The following CLIP1 variants were observed in gnomAD, a reference collection of about 807,000 sequenced individuals.
CLIP1 encodes the protein CAP-Gly domain containing linker protein 1.
Under a neutral mutation model 161.6 loss-of-function variants are expected in CLIP1, and 66 were observed. The observed-to-expected ratio is 0.41, with a 90% confidence interval of 0.33 to 0.50. The LOEUF (loss-of-function observed/expected upper bound fraction) is 0.50. Ranked by LOEUF, CLIP1 falls within the 20% of genes least tolerant of loss-of-function variation. CLIP1 has a pLI of 0.27. For synonymous variants in CLIP1, 598 were observed against 626.2 expected (o/e 0.96, Z 0.67); for missense variants, 1,376 against 1,702.0 (o/e 0.81, Z 3.37).
chr12:122,278,452 C>T (rs1955520188), intron 23 of CLIP1: 2 of 561,592 alleles, frequency 3.6e-6, no homozygotes, highest in South Asian at 4.9e-5. Context: ...GGTTAGAATG[C>T]CTGTCACGTC....
chr12:122,299,612 C>CAAAAAAAAGAAAAAAAAAAAA (rs1950601497), intron 20 of CLIP1, among the ~76,000 whole-genome samples: 1 of 62,500 alleles, frequency 1.6e-5, no homozygotes, highest in Non-Finnish European at 2.9e-5. Flanking sequence ...ATAAATTCAG[C>CAAAAAAAAGAAAAAAAAAAAA]AAAAAAAAAA....
At chr12:122,407,025 T>C (rs1446786372) in intron 1 of CLIP1, among the ~76,000 whole-genome samples, 3 of 152,184 alleles carry the variant, frequency 2.0e-5, no homozygotes, top group Non-Finnish European at 2.9e-5. Context: ...TCCTGTGACT[T>C]TGTAACTCTA....
chr12:122,328,307 T>C lies in CLIP1; in HGVS notation c.2987A>G (p.Lys996Arg), dbSNP rs750878371. 12 of 1,614,020 alleles carry C rather than the reference T, an allele frequency of 7.4e-6. No homozygotes were observed. The Admixed American group carries it at 2.0e-4, about 27-fold the overall frequency. Residue 996 changes from lysine to arginine, a missense_variant, in exon 16 of 26, where the codon AAG becomes AGG. Lys to Arg is a conservative substitution (Grantham distance 26). Coordinates refer to ENST00000620786, the MANE Select transcript of CLIP1 (RefSeq NM_001247997.2). Reference sequence around the variant, plus strand: ...CAATTCTTTCTTTTCTTCCTCATGCTTTTTAGCTGCTTCTTGCTGGCTCTG... The same window carrying C: ...CAATTCTTTCTTTTCTTCCTCATGCCTTTTAGCTGCTTCTTGCTGGCTCTG... ...AEQSQQEAAK[K>R]HEEEKKELER...
intron 1 of CLIP1, among the ~76,000 whole-genome samples, chr12:122,387,711 C>T (rs1354949207): frequency 6.7e-6 from 1 of 149,190 alleles, no homozygotes; most frequent in Admixed American, 6.7e-5. Flanking sequence ...GCCATCCTCC[C>T]GAGCAGCTGA....
At position 122,279,395 on chromosome 12, in the gene CLIP1, T is replaced by G. The variant is rs1426443288; in HGVS notation, c.3648-250A>C. 2 of 221,826 alleles carry G rather than the reference T, an allele frequency of 9.0e-6. No individual in the cohort carries two copies. Among genetic ancestry groups the G allele is most frequent in the Non-Finnish European group, 1.7e-5 (2 of 115,526 alleles). 13.7% of individuals were successfully genotyped at this position (221,826 alleles called of 1,614,324 possible). On this transcript the variant is annotated intron_variant, in intron 21 of 25. Transcript: ENST00000620786. The surrounding 1 kb of genome is among the most constrained non-coding windows in gnomAD (Gnocchi z 4.5). The stretch of plus-strand genomic sequence containing the variant: ...TGCATGTGATTGTATCCATTTGAAC[T>G]TAAAGAAACAAGTTAATAAATTTGG...
At chr12:122,375,403 C>G (rs1048414805) in intron 3 of CLIP1, among the ~76,000 whole-genome samples, 1 of 151,874 alleles carries the variant, frequency 6.6e-6, no homozygotes, top group African/African-American at 2.4e-5. Context: ...TGCAACCTCC[C>G]CATCCTGGGT....
chr12:122,345,977 G>A lies in CLIP1; in HGVS notation c.1506+1398C>T, dbSNP rs565095848. Among the ~76,000 whole-genome samples, 207 of 151,976 alleles carry A rather than the reference G, an allele frequency of 1.4e-3. 1 individual carries two copies. Among genetic ancestry groups the A allele is most frequent in the African/African-American group, 4.8e-3 (199 of 41,432 alleles). ...ATTTTAGTATTTTTAGTAGAGATGG[G>A]GTTTCTCCATGTTGGCCAGGCTGGT... On this transcript the variant is annotated intron_variant, in intron 10 of 25. Coordinates refer to ENST00000620786, the MANE Select transcript of CLIP1 (RefSeq NM_001247997.2).
chr12:122,373,673 T>C (rs1489749259), intron 3 of CLIP1, among the ~76,000 whole-genome samples: 1 of 152,138 alleles, frequency 6.6e-6, no homozygotes, highest in African/African-American at 2.4e-5. Flanking sequence ...AGGGGAAAAA[T>C]GGGTGCAATC....
chr12:122,332,733 C>A (rs964547537), intron 15 of CLIP1, among the ~76,000 whole-genome samples: 6 of 152,130 alleles, frequency 3.9e-5, no homozygotes, highest in African/African-American at 1.4e-4. Flanking sequence ...ATTATCTTTT[C>A]TTTACAAGTC....
chr12:122,354,433 A>G lies in CLIP1; in HGVS notation c.1307+20T>C, dbSNP rs1030862159. 1 of 1,599,174 alleles carries G rather than the reference A, an allele frequency of 6.3e-7. No individual in the cohort carries two copies. The highest frequency in any genetic ancestry group is 8.6e-7 in the Non-Finnish European group (1 of 1,167,200). On this transcript the variant is annotated intron_variant, in intron 7 of 25. Coordinates refer to ENST00000620786, the MANE Select transcript of CLIP1 (RefSeq NM_001247997.2). ...AAGGGGGAAAGGCCACACTTGCACC[A>G]GGAAACAGTCTGGGGTCACCTTTTC... is the stretch of plus-strand genomic sequence containing the variant.
chr12:122,380,304 T>A, intron 2 of CLIP1, 64 bp downstream of exon 2: 1 of 1,080,358 alleles, frequency 9.3e-7, no homozygotes, highest in East Asian at 2.5e-5. Flanking sequence ...AATAATGTTT[T>A]AAAATTAAAA....
At chr12:122,390,197 A>ATATATAAT (rs1555280492) in intron 1 of CLIP1, among the ~76,000 whole-genome samples, 1 of 90,600 alleles carries the variant, frequency 1.1e-5, no homozygotes, top group Non-Finnish European at 2.6e-5. Context: ...ATATATATAT[A>ATATATAAT]ATATATATAT....
At chr12:122,413,241 CTACT>C (rs1956606090) in intron 1 of CLIP1, among the ~76,000 whole-genome samples, 1 of 152,140 alleles carries the variant, frequency 6.6e-6, no homozygotes, top group Non-Finnish European at 1.5e-5. Flanking sequence ...GAAAACATCC[CTACT>C]GACTCTTATC....
At position 122,371,927 on chromosome 12, in the gene CLIP1, C is replaced by T. The variant is rs530294777; in HGVS notation, c.657+5462G>A. ...GCAGCATAAGGGGCCATGTATTTCC[C>T]TCCTGGACAACCCTAAAAGGTTACA... On this transcript the variant is annotated intron_variant, in intron 3 of 25. Coordinates refer to ENST00000620786, the MANE Select transcript of CLIP1 (RefSeq NM_001247997.2). Among the ~76,000 whole-genome samples the T allele has an allele frequency of 5.9e-5, 9 of 152,304 alleles. No homozygotes were observed. The East Asian group carries it at 1.5e-3, about 26-fold the overall frequency.
At chr12:122,412,666 A>G (rs1956585659) in intron 1 of CLIP1, among the ~76,000 whole-genome samples, 1 of 152,140 alleles carries the variant, frequency 6.6e-6, no homozygotes, top group South Asian at 2.1e-4. Flanking sequence ...AAAAAACAAA[A>G]AAAAACCAAA....
At chr12:122,297,769 GAGA>G (rs1172884279) in intron 20 of CLIP1, among the ~76,000 whole-genome samples, 2 of 152,190 alleles carry the variant, frequency 1.3e-5, no homozygotes, top group Non-Finnish European at 2.9e-5. Context: ...AGCCCTTTCA[GAGA>G]AGAAGGGAGT....
rs35483741 is a variant in CLIP1, at chr12:122,278,216, G to GAAAA, written c.3917-17_3917-14dup. On this transcript the variant is annotated splice_polypyrimidine_tract_variant and intron_variant, in intron 23 of 25. Coordinates refer to ENST00000620786, the MANE Select transcript of CLIP1 (RefSeq NM_001247997.2). ...GTGTCTGTATTACCTTATATTTGAG[G>GAAAA]AAAAAAAAAAAAAAACAAGTGGAGG... 2,537 of 1,358,620 alleles carry GAAAA rather than the reference G, an allele frequency of 1.9e-3. No individual in the cohort carries two copies. Among genetic ancestry groups the GAAAA allele is most frequent in the South Asian group, 4.5e-3 (343 of 76,780 alleles). The allele number at this position is 1,358,620 out of a possible 1,614,324, so 84.2% of individuals were successfully genotyped here.
chr12:122,285,013 T>C (rs1955792000), intron 21 of CLIP1, among the ~76,000 whole-genome samples: 2 of 152,108 alleles, frequency 1.3e-5, no homozygotes, highest in South Asian at 4.1e-4. Context: ...TTCTCAGGCA[T>C]GATCAGAGTG....
intron 24 of CLIP1, chr12:122,277,353 T>C (rs1220874805): frequency 2.3e-5 from 1 of 43,528 alleles, no homozygotes; most frequent in African/African-American, 3.7e-4. Flanking sequence ...GTTTTTTTTG[T>C]TTTTTTTTTT....
Sources: gnomAD v4.1 joint callset for allele counts (sites outside exome capture counted in the v4.1 genomes callset) on GRCh38, gnomAD v4.1.1 for gene constraint, Gnocchi (gnomAD v3.1) non-coding constraint, MANE v1.5 for transcripts, NCBI Gene and HGNC (gene_info 2026-07-23, HGNC 2026-07-21) for gene names.